The following ERBB4 variants were observed in gnomAD, a reference collection of about 807,000 sequenced individuals.
ERBB4 encodes the protein receptor tyrosine-protein kinase erbB-4.
In ERBB4, 42 loss-of-function variants were observed where a neutral mutation model predicts 158.0. That is an observed-to-expected ratio of 0.27 (90% CI 0.21 to 0.34). The LOEUF (loss-of-function observed/expected upper bound fraction) is 0.34. Among genes scored for constraint, ERBB4 ranks in the 10% least tolerant of loss-of-function variants. The pLI is 1.00. For synonymous variants in ERBB4, 583 were observed against 558.7 expected, an observed-to-expected ratio of 1.04 and a Z score of -0.61; for missense variants, 1,333 against 1,624.1, an observed-to-expected ratio of 0.82 and a Z score of 3.08.
chr2:212,179,342 C>CTT (rs3038239), intron 1 of ERBB4, among the ~76,000 whole-genome samples: 27,644 of 145,856 alleles, frequency 0.19, 2,933 homozygotes, highest in Non-Finnish European at 0.23. Context: ...ACATTGAGAG[C>CTT]TTTTTTTTTT....
chr2:211,458,497 C>T (rs1050465670), intron 20 of ERBB4, among the ~76,000 whole-genome samples: 1 of 151,962 alleles, frequency 6.6e-6, no homozygotes, highest in Non-Finnish European at 1.5e-5. Context: ...GATCTCCTGA[C>T]CTTGTGATCC....
intron 27 of ERBB4, among the ~76,000 whole-genome samples, chr2:211,384,836 A>G (rs1459383763): frequency 6.6e-6 from 1 of 152,150 alleles, no homozygotes; most frequent in Non-Finnish European, 1.5e-5. Context: ...CCAGTCAATT[A>G]GTGCCTATTT....
chr2:211,918,814 G>T (rs1575376446), intron 3 of ERBB4, among the ~76,000 whole-genome samples: 1 of 152,028 alleles, frequency 6.6e-6, no homozygotes, highest in African/African-American at 2.4e-5. Context: ...GAATATTTTT[G>T]CCTGCATCCT....
intron 20 of ERBB4, among the ~76,000 whole-genome samples, chr2:211,479,596 T>C (rs1409499661): frequency 6.6e-6 from 1 of 152,184 alleles, no homozygotes; most frequent in African/African-American, 2.4e-5. Flanking sequence ...TAAATCCATC[T>C]GATAGAGGAC....
rs889001859 is a variant in ERBB4, at chr2:211,832,027, G to C, written c.422-43868C>G. Among the ~76,000 whole-genome samples the C allele has an allele frequency of 3.3e-5, 5 of 152,170 alleles. No homozygotes were observed. In the East Asian group the frequency reaches 9.6e-4, roughly 29 times the overall value. ...CAGGACAAATGTGGCGTCAAGCCAA[G>C]GTGACACACTCATTTTTGTTCTTCC... On this transcript the variant is annotated intron_variant, in intron 3 of 27. Coordinates refer to ENST00000342788, the MANE Select transcript of ERBB4 (RefSeq NM_005235.3).
intron 2 of ERBB4, among the ~76,000 whole-genome samples, chr2:212,099,058 A>C (rs2079008531): frequency 6.6e-6 from 1 of 151,928 alleles, no homozygotes; most frequent in South Asian, 2.1e-4. Context: ...AGGTGGGAGG[A>C]TCACTTGAGC....
chr2:212,141,971 C>A (rs906950714), intron 1 of ERBB4, among the ~76,000 whole-genome samples: 2 of 152,098 alleles, frequency 1.3e-5, no homozygotes, highest in African/African-American at 4.8e-5. Flanking sequence ...CTTATCTAGA[C>A]CTACTACAAG....
At chr2:212,118,122 G>A (rs940191519) in intron 2 of ERBB4, among the ~76,000 whole-genome samples, 1 of 152,152 alleles carries the variant, frequency 6.6e-6, no homozygotes, top group Non-Finnish European at 1.5e-5. Context: ...CACACTGTTG[G>A]ATTTAATTCT....
chr2:212,300,517 A>G (rs1222138425), intron 1 of ERBB4, among the ~76,000 whole-genome samples: 1 of 151,508 alleles, frequency 6.6e-6, no homozygotes, highest in African/African-American at 2.4e-5. Context: ...CTTAACTTTG[A>G]TTAGCTTTTT....
At chr2:211,992,984 C>T (rs1575485379) in intron 2 of ERBB4, among the ~76,000 whole-genome samples, 1 of 152,224 alleles carries the variant, frequency 6.6e-6, no homozygotes, top group South Asian at 2.1e-4. Flanking sequence ...AACTACCTGT[C>T]CTCTGCTCAG....
intron 7 of ERBB4, among the ~76,000 whole-genome samples, chr2:211,717,188 G>C (rs1323779672): frequency 6.6e-6 from 1 of 152,170 alleles, no homozygotes; most frequent in Non-Finnish European, 1.5e-5. Context: ...TAGTAGATTA[G>C]GTAGTAGTAT....
In ERBB4 at chr2:211,772,955, A is replaced by ATATATATT. The variant is rs1553630145; in HGVS notation, c.556+15069_556+15070insAATATATA. 2.9e-4 allele frequency among the ~76,000 whole-genome samples: 24 copies of ATATATATT among 83,294 alleles called. 2 individuals are homozygous for ATATATATT. The highest frequency in any genetic ancestry group is 9.7e-4 in the South Asian group (2 of 2,054). The allele number at this position is 83,294 out of a possible 152,430, so 54.6% of individuals were successfully genotyped here. The stretch of plus-strand genomic sequence containing the variant: ...TATATATATATATATATATATATAT[A>ATATATATT]TTTTTTTTTTTAAAGATGGGGTCCT... On this transcript the variant is annotated intron_variant, in intron 4 of 27. Transcript: ENST00000342788.
At chr2:212,151,414 G>T (rs1305428390) in intron 1 of ERBB4, among the ~76,000 whole-genome samples, 1 of 151,370 alleles carries the variant, frequency 6.6e-6, no homozygotes, top group Admixed American at 6.6e-5. Context: ...AACCATCAAT[G>T]TTACTGTATT....
intron 1 of ERBB4, among the ~76,000 whole-genome samples, chr2:212,416,900 G>A (rs886118875): frequency 6.6e-6 from 1 of 151,950 alleles, no homozygotes; most frequent in Non-Finnish European, 1.5e-5. Context: ...ACTTTATTTG[G>A]TAAATAAGGA....
intron 2 of ERBB4, among the ~76,000 whole-genome samples, chr2:212,052,526 A>G (rs2077428652): frequency 6.6e-6 from 1 of 152,248 alleles, no homozygotes; most frequent in Admixed American, 6.5e-5. Flanking sequence ...TATGTAAAAT[A>G]GAAGTAATGA....
At chr2:212,504,808 G>A (rs761947189) in intron 1 of ERBB4, among the ~76,000 whole-genome samples, 13 of 152,040 alleles carry the variant, frequency 8.6e-5, no homozygotes, top group Non-Finnish European at 1.5e-4. Flanking sequence ...ATGATTTAGA[G>A]TTACCAAATC....
chr2:212,177,265 C>T (rs1046844150), intron 1 of ERBB4, among the ~76,000 whole-genome samples: 2 of 151,696 alleles, frequency 1.3e-5, no homozygotes, highest in African/African-American at 4.8e-5. Context: ...ATGGTGTTCT[C>T]ATTTTTTAAA....
intron 3 of ERBB4, among the ~76,000 whole-genome samples, chr2:211,844,475 T>C (rs2077546743): frequency 3.9e-5 from 6 of 152,200 alleles, no homozygotes; most frequent in Admixed American, 3.9e-4. Context: ...GACCCATGTC[T>C]CTTGATCAAA....
At chr2:212,357,178 A>T (rs2089493865) in intron 1 of ERBB4, among the ~76,000 whole-genome samples, 1 of 151,842 alleles carries the variant, frequency 6.6e-6, no homozygotes, top group South Asian at 2.1e-4. Flanking sequence ...TTTACAATAC[A>T]GGTCTGTAGT....
Sources: allele counts gnomAD v4.1 joint callset (sites outside exome capture counted in the v4.1 genomes callset), GRCh38; gene constraint gnomAD v4.1.1; transcripts MANE v1.5; gene names NCBI Gene and HGNC (gene_info 2026-07-23, HGNC 2026-07-21).